Variants in WDR7 observed in about 807,000 individuals in gnomAD.
The protein encoded by WDR7 is WD repeat domain 7.
WDR7 carries 46 observed loss-of-function variants against 169.4 expected under a neutral mutation model. The observed-to-expected ratio is 0.27, with a 90% CI of 0.21 to 0.35. WDR7 has a LOEUF of 0.35. Among genes scored for constraint, WDR7 ranks in the 10% least tolerant of loss-of-function variants. WDR7 has a pLI of 1.00. For missense variants in WDR7, 1,534 were observed against 1,859.3 expected (o/e 0.83, Z 3.22); for synonymous variants, 612 against 666.8 (o/e 0.92, Z 1.27).
rs572797477 is a variant in WDR7, at chr18:56,801,450, G to T, written c.3191-14581G>T. ...TCATCCTGGGTTCCCTCGGCATTTT[G>T]GTTAATTCATTATTTTTAAAAATTT... is the stretch of plus-strand genomic sequence containing the variant. On this transcript the variant is annotated intron_variant, in intron 19 of 27. Transcript: ENST00000254442. Among the ~76,000 whole-genome samples the T allele has an allele frequency of 6.6e-5, 10 of 152,096 alleles. No homozygotes were observed. In the South Asian group the frequency reaches 2.1e-3, roughly 32 times the overall value.
chr18:56,701,104 A>G (rs2025824176), intron 12 of WDR7, among the ~76,000 whole-genome samples: 1 of 152,236 alleles, frequency 6.6e-6, no homozygotes, highest in South Asian at 2.1e-4. Flanking sequence ...AAATGTTCCA[A>G]GAAATATAAG....
chr18:56,821,839 AAAATT>A (rs1196936721), intron 20 of WDR7, among the ~76,000 whole-genome samples: 2 of 152,024 alleles, frequency 1.3e-5, no homozygotes, highest in Admixed American at 1.3e-4. Flanking sequence ...TACAAAAAAA[AAAATT>A]AAAAGTTAGC....
At chr18:56,902,500 T>A (rs1281237024) in intron 21 of WDR7, among the ~76,000 whole-genome samples, 5 of 152,192 alleles carry the variant, frequency 3.3e-5, no homozygotes, top group Non-Finnish European at 7.3e-5. Flanking sequence ...CAGACAGACA[T>A]CCAGGTAAAC....
chr18:56,798,255 G>A (rs1415095279), intron 19 of WDR7, among the ~76,000 whole-genome samples: 2 of 152,148 alleles, frequency 1.3e-5, no homozygotes, highest in African/African-American at 4.8e-5. Context: ...GTTATGGGGT[G>A]GGGCAGAGGG....
chr18:56,721,565 T>A (rs1490879029), intron 13 of WDR7: 1 of 152,234 alleles, frequency 6.6e-6, no homozygotes, highest in Admixed American at 6.5e-5. Flanking sequence ...CTTGCTTCCC[T>A]CTTACGAAGT....
intron 19 of WDR7, among the ~76,000 whole-genome samples, chr18:56,785,395 C>CTATT (rs1255026602): frequency 1.3e-5 from 2 of 152,172 alleles, no homozygotes; most frequent in Non-Finnish European, 2.9e-5. Flanking sequence ...ATATATCTGA[C>CTATT]AAATATACCA....
chr18:56,788,393 GC>G (rs2145103133), intron 19 of WDR7, among the ~76,000 whole-genome samples: 1 of 152,120 alleles, frequency 6.6e-6, no homozygotes, highest in South Asian at 2.1e-4. Flanking sequence ...CTATTGGGCT[GC>G]TACCTTTCAC....
chr18:56,772,017 C>CA (rs2044170022), intron 16 of WDR7, among the ~76,000 whole-genome samples: 2 of 121,420 alleles, frequency 1.6e-5, no homozygotes, highest in South Asian at 5.8e-4. Flanking sequence ...GCTGTGATCA[C>CA]ACCACTACAC....
Position 56,833,511 on chromosome 18 carries a change from T to C in WDR7, c.3304+17367T>C, listed in dbSNP as rs181132841. 8.3e-4 allele frequency among the ~76,000 whole-genome samples: 126 copies of C among 152,238 alleles called. 3 individuals carry two copies. In the East Asian group the frequency reaches 0.019, roughly 23 times the overall value. ...TTCTAAATATCTAAAGTCCTCTAGG[T>C]TTATAATTAATATAAGCTAATTGGT... On this transcript the variant is annotated intron_variant, in intron 20 of 27. Transcript: ENST00000254442.
At chr18:56,887,229 G>A (rs2046209685) in intron 21 of WDR7, among the ~76,000 whole-genome samples, 1 of 152,080 alleles carries the variant, frequency 6.6e-6, no homozygotes, top group East Asian at 1.9e-4. Context: ...TGAACTATAT[G>A]GAAAGGGGTT....
intron 20 of WDR7, among the ~76,000 whole-genome samples, chr18:56,852,875 TA>T (rs1391008780): frequency 6.6e-6 from 1 of 152,180 alleles, no homozygotes; most frequent in Non-Finnish European, 1.5e-5. Flanking sequence ...CAGCATGTTT[TA>T]AAATATTCTT....
At chr18:56,837,472 A>G (rs535877266) in intron 20 of WDR7, among the ~76,000 whole-genome samples, 3 of 152,332 alleles carry the variant, frequency 2.0e-5, no homozygotes, top group African/African-American at 7.2e-5. Flanking sequence ...AACAGGTTTT[A>G]TTACCTCTAA....
chr18:56,974,602 G>A (rs1046880302), intron 26 of WDR7, among the ~76,000 whole-genome samples: 9 of 152,142 alleles, frequency 5.9e-5, no homozygotes, highest in East Asian at 1.9e-4. Context: ...GTAGCCTCCC[G>A]ACCACGGGCA....
the WDR7 span, chr18:57,035,485 G>A: frequency 6.6e-6 from 1 of 152,406 alleles, no homozygotes; most frequent in African/African-American, 2.4e-5. Flanking sequence ...GCAAGAACAG[G>A]AAAGCTCAGA....
chr18:57,032,801 TTATATATATATATATATATA>T (rs56876611), downstream of WDR7: 2,198 of 106,200 alleles, frequency 0.021, 113 homozygotes, highest in African/African-American at 0.057. Context: ...TATAATTATT[TTATATATATATATATATATA>T]TATATATATA....
At chr18:57,034,217 TAAATAA>T (rs2048455952), downstream of WDR7, 1 of 150,390 alleles carries the variant, frequency 6.6e-6, no homozygotes, top group Non-Finnish European at 1.5e-5. Flanking sequence ...AAAAAATAAA[TAAATAA>T]AAATAAAAGA....
chr18:56,734,958 C>G (rs1445459269), intron 14 of WDR7, among the ~76,000 whole-genome samples: 1 of 152,044 alleles, frequency 6.6e-6, no homozygotes. Flanking sequence ...TTTGAGGTGT[C>G]AATTAGAATT....
intron 20 of WDR7, among the ~76,000 whole-genome samples, chr18:56,866,223 TCTC>T (rs936954238): frequency 1.1e-4 from 17 of 152,186 alleles, no homozygotes; most frequent in Non-Finnish European, 2.2e-4. Context: ...AGCTCTGTAA[TCTC>T]CTTTTTTCTC....
chr18:56,710,318 A>G (rs2026059619), intron 12 of WDR7, among the ~76,000 whole-genome samples: 1 of 152,050 alleles, frequency 6.6e-6, no homozygotes, highest in East Asian at 1.9e-4. Flanking sequence ...ATATATTTTG[A>G]TACACGTTCT....
Sources: allele counts gnomAD v4.1 joint callset (sites outside exome capture counted in the v4.1 genomes callset), GRCh38; gene constraint gnomAD v4.1.1; transcripts MANE v1.5; gene names NCBI Gene and HGNC (gene_info 2026-07-23, HGNC 2026-07-21).